STK33: variants seen among roughly 807,000 people sequenced by gnomAD.
STK33 encodes serine/threonine kinase 33.
STK33 carries 52 observed loss-of-function variants against 58.0 expected under a neutral mutation model. The ratio of observed to expected loss-of-function variants is 0.90; its 90% CI spans 0.72 to 1.13. STK33 has a LOEUF of 1.13. Among genes scored for constraint, STK33 ranks in the 50% most tolerant of loss-of-function variants. The pLI, the probability that STK33 is intolerant of heterozygous loss-of-function variation, is 0.00. For missense variants in STK33, 630 were observed against 604.2 expected, an observed-to-expected ratio of 1.04 and a Z score of -0.45; for synonymous variants, 215 against 200.1, an observed-to-expected ratio of 1.07 and a Z score of -0.63.
intron 1 of STK33, among the ~76,000 whole-genome samples, chr11:8,587,116 G>A (rs931311531): frequency 4.6e-5 from 7 of 152,138 alleles, no homozygotes; most frequent in Admixed American, 1.3e-4. Context: ...TAAATTAAGC[G>A]AACAAACATG....
At chr11:8,513,615 C>T (rs1466323569) in intron 1 of STK33, among the ~76,000 whole-genome samples, 1 of 152,118 alleles carries the variant, frequency 6.6e-6, no homozygotes, top group African/African-American at 2.4e-5. Context: ...ATTGAGGCTG[C>T]TTTTTTAAAT....
intron 15 of STK33, among the ~76,000 whole-genome samples, chr11:8,408,448 A>C (rs1453519107): frequency 6.6e-6 from 1 of 152,326 alleles, no homozygotes; most frequent in Middle Eastern, 3.4e-3. Context: ...AGCCTTATAC[A>C]AAAAGCTCTT....
chr11:8,337,136 C>T, the STK33 span, among the ~76,000 whole-genome samples: 1 of 152,238 alleles, frequency 6.6e-6, no homozygotes, highest in Non-Finnish European at 1.5e-5. Context: ...GGCGGCCAAT[C>T]TCCTTTCCCT....
At chr11:8,499,913 C>T (rs747913674) in intron 1 of STK33, among the ~76,000 whole-genome samples, 14 of 151,910 alleles carry the variant, frequency 9.2e-5, no homozygotes, top group Admixed American at 2.6e-4. Flanking sequence ...CACACCAGGG[C>T]CTGTCGTGGG....
chr11:8,458,713 T>C lies in STK33; in HGVS notation c.559-1234A>G, dbSNP rs773258175. On this transcript the variant is annotated intron_variant, in intron 8 of 15. Transcript: ENST00000687296. Reference sequence around the variant, plus strand: ...AGTCATCTATTGAGTCAAAAAAGATTCACAGTCAACTAAAAAGCAAGTCTT... The same window carrying C: ...AGTCATCTATTGAGTCAAAAAAGATCCACAGTCAACTAAAAAGCAAGTCTT... Among the ~76,000 whole-genome samples, 69 of 152,292 alleles carry C rather than the reference T, an allele frequency of 4.5e-4. 1 individual carries two copies. Among genetic ancestry groups the C allele is most frequent in the Non-Finnish European group, 8.8e-4 (60 of 68,018 alleles).
chr11:8,452,447 T>C (rs997801099), intron 11 of STK33, among the ~76,000 whole-genome samples: 3 of 152,124 alleles, frequency 2.0e-5, no homozygotes, highest in African/African-American at 7.2e-5. Context: ...GCAAAAATTG[T>C]TCAAGCTGTA....
chr11:8,520,606 G>A (rs1006923342), intron 1 of STK33, among the ~76,000 whole-genome samples: 4 of 152,140 alleles, frequency 2.6e-5, no homozygotes, highest in Non-Finnish European at 5.9e-5. Context: ...CATCGTCTCG[G>A]CCCAAAATCT....
chr11:8,386,082 C>T, the STK33 span, among the ~76,000 whole-genome samples: 2 of 152,180 alleles, frequency 1.3e-5, no homozygotes, highest in African/African-American at 2.4e-5. Flanking sequence ...CAATCCAGTT[C>T]TTAATGAACA....
At chr11:8,416,110 T>C (rs1258227683) in intron 14 of STK33, among the ~76,000 whole-genome samples, 2 of 152,018 alleles carry the variant, frequency 1.3e-5, no homozygotes, top group Admixed American at 6.6e-5. Context: ...CCTCCTTTTC[T>C]CCCAGGGAAT....
chr11:8,414,088 TGA>T (rs1940749906), intron 14 of STK33, among the ~76,000 whole-genome samples: 1 of 152,124 alleles, frequency 6.6e-6, no homozygotes, highest in Non-Finnish European at 1.5e-5. Context: ...GTGCTAAGGA[TGA>T]GTCTATACAA....
intron 1 of STK33, among the ~76,000 whole-genome samples, chr11:8,588,157 T>C (rs1481468489): frequency 6.6e-6 from 1 of 152,138 alleles, no homozygotes; most frequent in Non-Finnish European, 1.5e-5. Context: ...CCTCATGACC[T>C]AATTATCTTT....
chr11:8,380,233 T>C, the STK33 span, among the ~76,000 whole-genome samples: 1 of 152,288 alleles, frequency 6.6e-6, no homozygotes, highest in Middle Eastern at 3.4e-3. Context: ...TGAACTAATG[T>C]ATACTCCCAC....
At chr11:8,356,894 G>A in the STK33 span, among the ~76,000 whole-genome samples, 1 of 152,202 alleles carries the variant, frequency 6.6e-6, no homozygotes, top group Non-Finnish European at 1.5e-5. Context: ...CTCTGGAGCT[G>A]ACTGTGCAAG....
chr11:8,387,616 G>A (rs938462334), downstream of STK33, among the ~76,000 whole-genome samples: 44 of 152,198 alleles, frequency 2.9e-4, no homozygotes, highest in Non-Finnish European at 3.5e-4. Flanking sequence ...CTGAAAGGGG[G>A]TTTTAGTTAA....
chr11:8,439,667 G>A (rs957861973), intron 12 of STK33, among the ~76,000 whole-genome samples: 1 of 151,294 alleles, frequency 6.6e-6, no homozygotes, highest in East Asian at 2.0e-4. Context: ...TCCGAGTATT[G>A]AAATGTGACC....
At chr11:8,348,176 A>G in the STK33 span, among the ~76,000 whole-genome samples, 1 of 152,078 alleles carries the variant, frequency 6.6e-6, no homozygotes, top group Non-Finnish European at 1.5e-5. Flanking sequence ...AGATCCCTCC[A>G]CTTCCTCTTC....
intron 15 of STK33, among the ~76,000 whole-genome samples, chr11:8,395,505 C>T (rs1052420132): frequency 7.2e-5 from 11 of 152,184 alleles, no homozygotes; most frequent in African/African-American, 2.7e-4. Context: ...CAGACAAATA[C>T]ATTCATCTAC....
chr11:8,593,524 G>A (rs1419532970), intron 1 of STK33, among the ~76,000 whole-genome samples: 7 of 152,136 alleles, frequency 4.6e-5, no homozygotes, highest in Non-Finnish European at 8.8e-5. Flanking sequence ...CATTTAGGAA[G>A]CTGAGGGAGA....
intron 8 of STK33, among the ~76,000 whole-genome samples, chr11:8,460,620 G>A (rs921674982): frequency 1.3e-5 from 2 of 151,704 alleles, no homozygotes; most frequent in South Asian, 4.2e-4. Context: ...CAAATGTGAG[G>A]AAATAATAGC....
Sources: allele counts gnomAD v4.1 joint callset (sites outside exome capture counted in the v4.1 genomes callset), GRCh38; gene constraint gnomAD v4.1.1; transcripts MANE v1.5; gene names NCBI Gene and HGNC (gene_info 2026-07-23, HGNC 2026-07-21).